SIMC1: variants seen among roughly 807,000 people sequenced by gnomAD.
SIMC1 encodes the protein SUMO-interacting motif-containing protein 1.
SIMC1 carries 55 observed loss-of-function variants against 82.3 expected under a neutral mutation model. The ratio of observed to expected loss-of-function variants is 0.67; its 90% CI spans 0.54 to 0.84. SIMC1 has a LOEUF of 0.84. SIMC1 is among the 40% of genes least tolerant of loss of function. The pLI, the probability that SIMC1 is intolerant of heterozygous loss-of-function variation, is 0.00. For missense variants in SIMC1, 915 were observed against 1,107.2 expected (o/e 0.83, Z 2.46); for synonymous variants, 353 against 426.3 (o/e 0.83, Z 2.12).
At chr5:176,268,780 T>C (rs1312983032) in intron 1 of SIMC1, among the ~76,000 whole-genome samples, 4 of 152,144 alleles carry the variant, frequency 2.6e-5, no homozygotes, top group African/African-American at 9.7e-5. Context: ...CCCACCAAAG[T>C]AAAGAAATCA....
At chr5:176,329,600 A>G (rs1041060867) in intron 7 of SIMC1, among the ~76,000 whole-genome samples, 1 of 152,082 alleles carries the variant, frequency 6.6e-6, no homozygotes, top group Non-Finnish European at 1.5e-5. Context: ...CTACTGGCAA[A>G]CGCTAATCTG....
chr5:176,322,176 A>G (rs371865468), intron 5 of SIMC1, 97 bp from the exon 6 acceptor site: 5 of 1,410,396 alleles, frequency 3.5e-6, no homozygotes, highest in Admixed American at 2.7e-5. Flanking sequence ...TCTGAGCACC[A>G]TAAATACAAC....
chr5:176,277,178 T>A (rs1219240300), intron 1 of SIMC1, among the ~76,000 whole-genome samples: 2 of 151,956 alleles, frequency 1.3e-5, no homozygotes, highest in Admixed American at 6.6e-5. Flanking sequence ...TGGTTTTGAT[T>A]TGCATTTCTC....
At chr5:176,271,198 A>G (rs2113176652) in intron 1 of SIMC1, among the ~76,000 whole-genome samples, 1 of 152,220 alleles carries the variant, frequency 6.6e-6, no homozygotes, top group Non-Finnish European at 1.5e-5. Flanking sequence ...CATCTCTACT[A>G]AAAATACAAA....
intron 1 of SIMC1, among the ~76,000 whole-genome samples, chr5:176,257,627 GC>G (rs1162523197): frequency 6.6e-6 from 1 of 152,098 alleles, no homozygotes; most frequent in Non-Finnish European, 1.5e-5. Flanking sequence ...CTCCCACCAG[GC>G]CCCACCTCCA....
In SIMC1 at chr5:176,332,943, C is replaced by T. The variant is rs1239777410; in HGVS notation, c.2172-3777C>T. Among the ~76,000 whole-genome samples, 6 of 152,280 alleles carry T rather than the reference C, an allele frequency of 3.9e-5. No homozygotes were observed. In the East Asian group the frequency reaches 1.2e-3, roughly 29 times the overall value. ...ACACCCACTTCCCTCCCATCCCAAC[C>T]CCTTTCTTAACCCCTTTCAACCATT... On this transcript the variant is annotated intron_variant, in intron 7 of 9. Transcript: ENST00000429602.
At chr5:176,288,087 G>A (rs780221089) in intron 1 of SIMC1, among the ~76,000 whole-genome samples, 2 of 152,140 alleles carry the variant, frequency 1.3e-5, no homozygotes, top group African/African-American at 2.4e-5. Flanking sequence ...CTAGGCCCTA[G>A]GTGATCCACC....
intron 5 of SIMC1, among the ~76,000 whole-genome samples, chr5:176,319,699 C>T (rs1024926164): frequency 7.2e-5 from 11 of 152,146 alleles, no homozygotes; most frequent in Admixed American, 7.2e-4. Context: ...TTATTTTCTT[C>T]TTTCCTGGAT....
chr5:176,256,443 T>C (rs1413985943), intron 1 of SIMC1, among the ~76,000 whole-genome samples: 1 of 152,192 alleles, frequency 6.6e-6, no homozygotes, highest in Non-Finnish European at 1.5e-5. Context: ...CATGATATAC[T>C]CAGACCTTCT....
In SIMC1 at chr5:176,336,881, A is replaced by G; in HGVS notation, c.2328+5A>G. ...ACGTCACTGCTCAAGTGTCAGGTAC[A>G]TTTTTTCCTGCCCAATTTCAGGCCT... On this transcript the variant is annotated splice_donor_5th_base_variant and intron_variant, in intron 8 of 9. Coordinates refer to ENST00000429602, the MANE Select transcript of SIMC1 (RefSeq NM_001308195.2). The G allele has an allele frequency of 6.2e-7, 1 of 1,613,256 alleles. No homozygotes were observed. Among genetic ancestry groups the G allele is most frequent in the Non-Finnish European group, 8.5e-7 (1 of 1,179,772 alleles).
intron 1 of SIMC1, among the ~76,000 whole-genome samples, chr5:176,287,435 C>T (rs1378208934): frequency 6.6e-6 from 1 of 152,058 alleles, no homozygotes; most frequent in Non-Finnish European, 1.5e-5. Flanking sequence ...ACAATGAGAA[C>T]ACTTGGACAC....
intron 1 of SIMC1, chr5:176,263,345 T>C (rs902518127): frequency 8.5e-7 from 1 of 1,179,964 alleles, no homozygotes; most frequent in African/African-American, 1.6e-5. Flanking sequence ...TCATTTTGCA[T>C]TGCTGTAAGG....
At chr5:176,316,644 G>A (rs1276223725) in intron 5 of SIMC1, among the ~76,000 whole-genome samples, 2 of 151,656 alleles carry the variant, frequency 1.3e-5, no homozygotes, top group Admixed American at 6.6e-5. Context: ...AGCTGAGATC[G>A]CGCCATTGCA....
At chr5:176,248,281 G>A (rs1258530227) in intron 1 of SIMC1, among the ~76,000 whole-genome samples, 6 of 151,816 alleles carry the variant, frequency 4.0e-5, no homozygotes, top group Non-Finnish European at 5.9e-5. Flanking sequence ...CTTTTATTTC[G>A]TTGAGCAGTG....
chr5:176,317,285 C>T (rs115787065), intron 5 of SIMC1, among the ~76,000 whole-genome samples: 1 of 152,086 alleles, frequency 6.6e-6, no homozygotes, highest in African/African-American at 2.4e-5. Flanking sequence ...CCATATGAAC[C>T]CTTCTTAAGG....
intron 5 of SIMC1, among the ~76,000 whole-genome samples, chr5:176,320,387 G>T (rs1017143251): frequency 6.9e-6 from 1 of 144,774 alleles, no homozygotes. Context: ...TTATTTTGAG[G>T]CGGAGTCTCA....
At chr5:176,313,891 T>C in intron 5 of SIMC1, 46 bp downstream of exon 5, 21 of 1,606,846 alleles carry the variant, frequency 1.3e-5, no homozygotes, top group Non-Finnish European at 1.8e-5. Context: ...TAAGGGATTA[T>C]AGGTGGGCAG....
intron 7 of SIMC1, among the ~76,000 whole-genome samples, chr5:176,332,664 A>G (rs868770192): frequency 1.3e-5 from 2 of 152,194 alleles, no homozygotes; most frequent in South Asian, 2.1e-4. Flanking sequence ...AATGTTAAAT[A>G]TTAAATAGTA....
chr5:176,314,972 T>A (rs749910196), intron 5 of SIMC1, among the ~76,000 whole-genome samples: 19 of 152,298 alleles, frequency 1.2e-4, no homozygotes, highest in Middle Eastern at 6.8e-3. Flanking sequence ...CTGAGCACAT[T>A]TAAGGTAGAC....
Sources: gnomAD v4.1 joint callset for allele counts (sites outside exome capture counted in the v4.1 genomes callset) on GRCh38, gnomAD v4.1.1 for gene constraint, MANE v1.5 for transcripts, NCBI Gene and HGNC (gene_info 2026-07-23, HGNC 2026-07-21) for gene names.